The following SLC18A1 variants were observed in gnomAD, a reference collection of about 807,000 sequenced individuals.
The protein encoded by SLC18A1 is solute carrier family 18 member A1, also known as chromaffin granule amine transporter.
Under a neutral mutation model 53.7 loss-of-function variants are expected in SLC18A1, and 69 were observed. That is an observed-to-expected ratio of 1.28 (90% CI 1.06 to 1.57). The LOEUF (loss-of-function observed/expected upper bound fraction) is 1.57, where lower values mean the gene tolerates loss of function less well. SLC18A1 is among the 40% of genes most tolerant of loss of function. The pLI, the probability that SLC18A1 is intolerant of heterozygous loss-of-function variation, is 0.00. For missense variants in SLC18A1, 932 were observed against 668.1 expected (o/e 1.40, Z -4.35); for synonymous variants, 320 against 248.1 (o/e 1.29, Z -2.72).
At chr8:20,176,395 T>C (rs533129326) in intron 4 of SLC18A1, among the ~76,000 whole-genome samples, 1 of 152,186 alleles carries the variant, frequency 6.6e-6, no homozygotes, top group South Asian at 2.1e-4. Context: ...TGCAGAACCA[T>C]GAGCCAACAA....
At chr8:20,158,928 C>T (rs1034839257) in intron 10 of SLC18A1, among the ~76,000 whole-genome samples, 1 of 152,066 alleles carries the variant, frequency 6.6e-6, no homozygotes, top group African/African-American at 2.4e-5. Flanking sequence ...TTAATACCAC[C>T]CTCACTAGGC....
chr8:20,156,286 C>T lies in SLC18A1; in HGVS notation c.1016-5542G>A, dbSNP rs1172557960. The stretch of plus-strand genomic sequence containing the variant: ...AAAAAAAAAAAAAGTAGCTTACTAA[C>T]TCAAAAATCTTAAAGTATGGGGCTA... On this transcript the variant is annotated intron_variant, in intron 10 of 15. Coordinates refer to ENST00000276373, the MANE Select transcript of SLC18A1 (RefSeq NM_003053.4). Among the ~76,000 whole-genome samples, 3 of 149,158 alleles carry T rather than the reference C, an allele frequency of 2.0e-5. No individual in the cohort carries two copies. The East Asian group carries it at 5.9e-4, about 29-fold the overall frequency.
intron 15 of SLC18A1, among the ~76,000 whole-genome samples, chr8:20,146,080 T>A (rs1435971685): frequency 3.3e-5 from 5 of 152,152 alleles, no homozygotes; most frequent in East Asian, 3.9e-4. Context: ...CACGCCAGGC[T>A]AATTTTTTGT....
Position 20,181,019 on chromosome 8 carries a change from TGACA to T in SLC18A1, c.-59_-56del. On this transcript the variant is annotated 5_prime_UTR_variant, in exon 2 of 16. Coordinates refer to ENST00000276373, the MANE Select transcript of SLC18A1 (RefSeq NM_003053.4). ...CTGCGGGCTCTTAGGGAAGGTCCTGTGACAGCTACAGGTCTCCTGCAGCCTTTAT... is the reference window on the plus strand; with the variant it reads ...CTGCGGGCTCTTAGGGAAGGTCCTGTGCTACAGGTCTCCTGCAGCCTTTAT... 1 of 1,537,462 alleles carries T rather than the reference TGACA, an allele frequency of 6.5e-7. No homozygotes were observed. The highest frequency in any genetic ancestry group is 2.0e-5 in the Admixed American group (1 of 50,550).
intron 12 of SLC18A1, chr8:20,148,642 A>G (rs972229135): frequency 2.3e-5 from 10 of 430,060 alleles, no homozygotes; most frequent in African/African-American, 1.9e-4. Flanking sequence ...TGCCCTCCCA[A>G]TCCCCCAACA....
At position 20,147,864 on chromosome 8, in the gene SLC18A1, C is replaced by T. The variant is rs970850409; in HGVS notation, c.1211-142G>A. 279 of 1,437,304 alleles carry T rather than the reference C, an allele frequency of 1.9e-4. 1 individual carries two copies. The highest frequency in any genetic ancestry group is 2.5e-4 in the Non-Finnish European group (266 of 1,054,160). 89.0% of individuals were successfully genotyped at this position (1,437,304 alleles called of 1,614,324 possible). A position where few individuals can be genotyped will look rare whatever the true frequency, so the allele number is the denominator to read the frequency against. On this transcript the variant is annotated intron_variant, in intron 13 of 15. Coordinates refer to ENST00000276373, the MANE Select transcript of SLC18A1 (RefSeq NM_003053.4). ...CTGTTCCAGGTGGGAATTACGAGCT[C>T]ATCTCTCCACAACCCTGCCAGCTGC... is the stretch of plus-strand genomic sequence containing the variant.
intron 8 of SLC18A1, among the ~76,000 whole-genome samples, chr8:20,165,441 G>A (rs994593703): frequency 6.6e-6 from 1 of 152,106 alleles, no homozygotes; most frequent in Admixed American, 6.5e-5. Flanking sequence ...ATAGATGTCT[G>A]GACTCCTGGT....
chr8:20,170,226 G>A (rs1179463961), intron 8 of SLC18A1, among the ~76,000 whole-genome samples: 1 of 149,056 alleles, frequency 6.7e-6, no homozygotes, highest in Non-Finnish European at 1.5e-5. Context: ...TGGGGGAATT[G>A]GCACTCTAAA....
chr8:20,169,200 C>T (rs2072048595), intron 8 of SLC18A1, among the ~76,000 whole-genome samples: 1 of 151,996 alleles, frequency 6.6e-6, no homozygotes, highest in Non-Finnish European at 1.5e-5. Context: ...TTTAGGAATA[C>T]CCTATAGATA....
chr8:20,177,480 G>C (rs567355168), intron 4 of SLC18A1, among the ~76,000 whole-genome samples: 2 of 152,246 alleles, frequency 1.3e-5, no homozygotes, highest in Admixed American at 1.3e-4. Flanking sequence ...CACACACCGG[G>C]GCCTGTCATG....
At chr8:20,151,147 G>GTTT (rs11345261) in intron 10 of SLC18A1, among the ~76,000 whole-genome samples, 38 of 138,662 alleles carry the variant, frequency 2.7e-4, no homozygotes, top group African/African-American at 5.7e-4. Context: ...GTTTTTTTTT[G>GTTT]TTTTTTTTTT....
chr8:20,172,706 A>G (rs938517374), intron 6 of SLC18A1, among the ~76,000 whole-genome samples: 5 of 152,104 alleles, frequency 3.3e-5, no homozygotes, highest in African/African-American at 9.7e-5. Flanking sequence ...AATAAAAGAG[A>G]TTATGCGTGT....
Position 20,179,472 on chromosome 8 carries a change from G to A in SLC18A1, c.137C>T (p.Pro46Leu). The A allele has an allele frequency of 1.2e-6, 2 of 1,609,016 alleles. No homozygotes were observed. The highest frequency in any genetic ancestry group is 8.5e-7 in the Non-Finnish European group (1 of 1,177,104). The part of the protein sequence containing the change: ...MLFTVVVPIV[P>L]TFLYDMEFKE... ...GAACTCCATGTCATATAGGAAGGTG[G>A]GCACAATTGGCACTGAAAGTCAAAG... The change falls in exon 3 of 16, where the codon CCC becomes CTC. Residue 46 changes from proline to leucine, a missense_variant. Transcript: ENST00000276373.
At chr8:20,175,756 C>T (rs941516433) in intron 4 of SLC18A1, 1 of 152,202 alleles carries the variant, frequency 6.6e-6, no homozygotes, top group South Asian at 2.1e-4. Flanking sequence ...TTTGCCCATT[C>T]ATTACAGATG....
chr8:20,152,231 G>C (rs1009115396), intron 10 of SLC18A1, among the ~76,000 whole-genome samples: 1 of 152,238 alleles, frequency 6.6e-6, no homozygotes, highest in African/African-American at 2.4e-5. Context: ...TAAGAGGAAA[G>C]TGGAGGGTGA....
chr8:20,159,851 AG>A (rs1207249599), intron 10 of SLC18A1, among the ~76,000 whole-genome samples: 1 of 152,102 alleles, frequency 6.6e-6, no homozygotes, highest in Non-Finnish European at 1.5e-5. Context: ...GTGGCATGTC[AG>A]GACTTGAGTC....
At chr8:20,154,838 C>A (rs1422505150) in intron 10 of SLC18A1, among the ~76,000 whole-genome samples, 1 of 152,164 alleles carries the variant, frequency 6.6e-6, no homozygotes, top group East Asian at 1.9e-4. Flanking sequence ...CATTCGCCGT[C>A]CACCACGGCT....
chr8:20,166,093 C>G (rs34380936), intron 8 of SLC18A1, among the ~76,000 whole-genome samples: 10,749 of 151,668 alleles, frequency 0.071, 506 homozygotes, highest in Middle Eastern at 0.19. Context: ...ACAATAAACC[C>G]TTTGACCCAA....
Position 20,145,566 on chromosome 8 carries a change from C to T in SLC18A1, c.*197G>A. 4 of 419,674 alleles carry T rather than the reference C, an allele frequency of 9.5e-6. No individual in the cohort carries two copies. The highest frequency in any genetic ancestry group is 1.7e-5 in the Non-Finnish European group (4 of 236,244). The allele number at this position is 419,674 out of a possible 1,614,324, so 26.0% of individuals were successfully genotyped here. On this transcript the variant is annotated 3_prime_UTR_variant, in exon 16 of 16. Coordinates refer to ENST00000276373, the MANE Select transcript of SLC18A1 (RefSeq NM_003053.4). Reference sequence around the variant, plus strand: ...CCATAAAAGATGGGCCACTGCGGCACCAAGGCATAGAGGAAGAGCTACAAG... The same window carrying T: ...CCATAAAAGATGGGCCACTGCGGCATCAAGGCATAGAGGAAGAGCTACAAG...
Sources: gnomAD v4.1 joint callset for allele counts (sites outside exome capture counted in the v4.1 genomes callset) on GRCh38, gnomAD v4.1.1 for gene constraint, MANE v1.5 for transcripts, NCBI Gene and HGNC (gene_info 2026-07-23, HGNC 2026-07-21) for gene names.